Variants in AJUBA observed in about 807,000 individuals in gnomAD.
AJUBA encodes LIM domain-containing protein ajuba.
Under a neutral mutation model 53.3 loss-of-function variants are expected in AJUBA, and 20 were observed. The ratio of observed to expected loss-of-function variants is 0.38; its 90% CI spans 0.26 to 0.55. The LOEUF (loss-of-function observed/expected upper bound fraction) is 0.55, where lower values mean the gene tolerates loss of function less well. Ranked by LOEUF, AJUBA falls within the 20% of genes least tolerant of loss-of-function variation. The pLI, the probability that AJUBA is intolerant of heterozygous loss-of-function variation, is 0.80. For missense variants in AJUBA, 580 were observed against 730.5 expected (o/e 0.79, Z 2.38); for synonymous variants, 296 against 306.2 (o/e 0.97, Z 0.35).
Position 22,974,825 on chromosome 14 carries a change from C to T in AJUBA, c.1422+14G>A. On this transcript the variant is annotated intron_variant, in intron 6 of 7. Coordinates refer to ENST00000262713, the MANE Select transcript of AJUBA (RefSeq NM_032876.6). The stretch of plus-strand genomic sequence containing the variant: ...GGCACTGGCTGCCCTGAAGGAGAAC[C>T]CAGACATACTGACCTCAGAGGGGAG... 1 of 1,609,576 alleles carries T rather than the reference C, an allele frequency of 6.2e-7. No homozygotes were observed. The highest frequency in any genetic ancestry group is 8.5e-7 in the Non-Finnish European group (1 of 1,178,366).
chr14:22,978,269 C>T, intron 2 of AJUBA, 75 bp downstream of exon 2: 1 of 1,405,566 alleles, frequency 7.1e-7, no homozygotes, highest in Non-Finnish European at 9.9e-7. Flanking sequence ...AAGCTCTCCT[C>T]CTGTTCCCCA....
At chr14:22,978,730 T>C (rs2045060717) in intron 1 of AJUBA, 6 of 1,232,484 alleles carry the variant, frequency 4.9e-6, no homozygotes, top group East Asian at 4.6e-5. Context: ...ATATGGTCCC[T>C]GGCATTCAGA....
Position 22,979,103 on chromosome 14 carries a change from G to A in AJUBA, c.1007-658C>T. On this transcript the variant is annotated intron_variant, in intron 1 of 7. Coordinates refer to ENST00000262713, the MANE Select transcript of AJUBA (RefSeq NM_032876.6). The surrounding 1 kb of genome is among the most constrained non-coding windows in gnomAD (Gnocchi z 4.0). ...GAACCAGGGTTGAACAGGAAAGCAG[G>A]GAGAGTAGCAGAGCCCCTGATGCCT... 1 of 1,280,128 alleles carries A rather than the reference G, an allele frequency of 7.8e-7. No homozygotes were observed. Among genetic ancestry groups the A allele is most frequent in the East Asian group, 5.6e-5 (1 of 17,924 alleles). The allele number at this position is 1,280,128 out of a possible 1,614,324, so 79.3% of individuals were successfully genotyped here. A position where few individuals can be genotyped will look rare whatever the true frequency, so the allele number is the denominator to read the frequency against.
chr14:22,975,941 T>A (rs1168467303), intron 4 of AJUBA: 1 of 151,806 alleles, frequency 6.6e-6, no homozygotes, highest in African/African-American at 2.5e-5. Context: ...GGCAGGAGGA[T>A]CACTTGAGGC....
rs35598047 is a variant in AJUBA, at chr14:22,981,979, G to T, written c.288C>A (p.Thr96=). ...ACGACTGAGGTAGAGGCAAGGCCCG[G>T]GTGGGCGGCGGCCCCGCGGGAAAAG... ...EGSFPAGPPP[T]RALPLPQSLP... is the part of the protein sequence containing the mutation. The change falls in exon 1 of 8, where the codon ACC becomes ACA. Residue 96 remains threonine (T), a synonymous_variant. Transcript: ENST00000262713. The T allele has an allele frequency of 8.2e-6, 13 of 1,577,664 alleles. No homozygotes were observed. Among genetic ancestry groups the T allele is most frequent in the Non-Finnish European group, 1.1e-5 (13 of 1,167,560 alleles).
intron 7 of AJUBA, 54 bp from the exon 8 acceptor site, chr14:22,973,622 G>A: frequency 6.2e-7 from 1 of 1,605,660 alleles, no homozygotes; most frequent in South Asian, 1.1e-5. Context: ...GACACTGAGG[G>A]TATCTTAGGA....
At chr14:22,977,998 G>A (rs1004977082) in intron 2 of AJUBA, among the ~76,000 whole-genome samples, 10 of 146,854 alleles carry the variant, frequency 6.8e-5, no homozygotes, top group African/African-American at 1.8e-4. Context: ...TTTCACTGTC[G>A]CCCCAGGCAA....
At chr14:22,980,606 G>A (rs1031852543) in intron 1 of AJUBA, 27 of 985,270 alleles carry the variant, frequency 2.7e-5, no homozygotes, top group Non-Finnish European at 3.0e-5. Context: ...CACGCACCTA[G>A]CCAACAGGAC....
rs1317901173 is a variant in AJUBA at position 22,981,977 on chromosome 14, C to T, written c.290G>A (p.Arg97Gln). 2 of 1,577,234 alleles carry T rather than the reference C, an allele frequency of 1.3e-6. No individual in the cohort carries two copies. Among genetic ancestry groups the T allele is most frequent in the South Asian group, 1.2e-5 (1 of 86,320 alleles). The change falls in exon 1 of 8, where the codon CGG (arginine) becomes CAG (glutamine). Residue 97 changes from arginine (R) to glutamine (Q), a missense_variant. Physicochemically the swap from Arg to Gln is conservative, Grantham distance 43. Transcript: ENST00000262713. ...CAACGACTGAGGTAGAGGCAAGGCC[C>T]GGGTGGGCGGCGGCCCCGCGGGAAA... Reference protein sequence around the residue: ...GSFPAGPPPTRALPLPQSLPP... With the variant: ...GSFPAGPPPTQALPLPQSLPP...
In AJUBA at chr14:22,978,422, C is replaced by G; in HGVS notation, c.1030G>C (p.Gly344Arg). The change falls in exon 2 of 8, where the codon GGC becomes CGC. Residue 344 changes from glycine to arginine, a missense_variant. Transcript: ENST00000262713. ...YFGTCIKCNK[G>R]IYGQSNACQA... is the part of the protein sequence containing the mutation. ...CAGGCATTGCTCTGCCCATAGATGC[C>G]TTTGTTGCACTTGATACAGGTGCCT... 6.2e-7 allele frequency: 1 copy of G among 1,613,132 alleles called. No individual in the cohort carries two copies. Among genetic ancestry groups the G allele is most frequent in the South Asian group, 1.1e-5 (1 of 91,048 alleles).
In AJUBA at chr14:22,973,413, C is replaced by A. The variant is rs750482279; in HGVS notation, c.*30G>T. On this transcript the variant is annotated 3_prime_UTR_variant, in exon 8 of 8. Transcript: ENST00000262713. ...CCCACTGGCCACAGCAGTTTGTCTG[C>A]AGGGTGACAGCAGCAGCAGTGATTG... 1 of 1,588,564 alleles carries A rather than the reference C, an allele frequency of 6.3e-7. No homozygotes were observed. The highest frequency in any genetic ancestry group is 8.6e-7 in the Non-Finnish European group (1 of 1,167,462).
In AJUBA at chr14:22,981,851, C is replaced by T. The variant is rs1478527514; in HGVS notation, c.416G>A (p.Arg139Gln). 1.3e-6 allele frequency: 2 copies of T among 1,534,364 alleles called. No individual in the cohort carries two copies. The highest frequency in any genetic ancestry group is 2.4e-5 in the South Asian group (2 of 83,890). Residue 139 changes from arginine (R) to glutamine (Q), a missense_variant, in exon 1 of 8, where the codon CGG (arginine) becomes CAG (glutamine). Physicochemically the swap from Arg to Gln is conservative, Grantham distance 43 (BLOSUM62 1). Transcript: ENST00000262713. ...CGCCCCGTCCAGCAGCAGGCTGCCC[C>T]GGGGGCTGGACGGCTTGCTCGCGTC... Reference protein sequence around the residue: ...ASDASKPSSPRGSLLLDGAGA... With the variant: ...ASDASKPSSPQGSLLLDGAGA...
rs756057671 is a variant in AJUBA at position 22,977,302 on chromosome 14, T to G, written c.1109-590A>C. 1.1e-5 allele frequency: 8 copies of G among 728,656 alleles called. No individual in the cohort carries two copies. In the South Asian group the frequency reaches 3.8e-4, roughly 34 times the overall value. 45.1% of individuals were successfully genotyped at this position (728,656 alleles called of 1,614,324 possible). A position where few individuals can be genotyped will look rare whatever the true frequency, so the allele number is the denominator to read the frequency against. ...TTGTATAAGGCTGCTTCCCTAAGCT[T>G]AGAGGGACCCAGAGTCACTGGGGTA... On this transcript the variant is annotated intron_variant, in intron 2 of 7. Transcript: ENST00000262713.
At position 22,973,192 on chromosome 14, in the gene AJUBA, C is replaced by T. The variant is rs1594561412; in HGVS notation, c.*251G>A. The T allele has an allele frequency of 1.9e-6, 1 of 524,168 alleles. No individual in the cohort carries two copies. The highest frequency in any genetic ancestry group is 3.4e-5 in the East Asian group (1 of 29,362). The allele number at this position is 524,168 out of a possible 1,614,324, so 32.5% of individuals were successfully genotyped here. A position where few individuals can be genotyped will look rare whatever the true frequency, so the allele number is the denominator to read the frequency against. ...ATGTTCAGAAAGTCCTGGAACCCTC[C>T]TGTGTGTGCCTAAGCTCAGACTGCA... On this transcript the variant is annotated 3_prime_UTR_variant, in exon 8 of 8. Transcript: ENST00000262713.
Position 22,981,743 on chromosome 14 carries a change from C to A in AJUBA, c.524G>T (p.Ser175Ile). The A allele has an allele frequency of 6.5e-7, 1 of 1,533,710 alleles. No individual in the cohort carries two copies. Residue 175 changes from serine (S) to isoleucine (I), a missense_variant, in exon 1 of 8, where the codon AGC (serine) becomes ATC (isoleucine). Ser to Ile is a moderately radical substitution (Grantham distance 142, BLOSUM62 -2). Coordinates refer to ENST00000262713, the MANE Select transcript of AJUBA (RefSeq NM_032876.6). ...ISMGYDQRHG[S>I]PLPAGPCLFG... ...CAGGCACGGCCCCGCTGGCAAGGGG[C>A]TCCCGTGGCGCTGGTCGTAGCCCAT...
At chr14:22,974,190 T>C in intron 6 of AJUBA, 75 bp from the exon 7 acceptor site, 1 of 1,479,852 alleles carries the variant, frequency 6.8e-7, no homozygotes, top group Admixed American at 1.7e-5. Context: ...TATACAACCC[T>C]TCCCACCCCA....
intron 1 of AJUBA, chr14:22,978,823 G>A (rs1234830039): frequency 1.6e-6 from 2 of 1,230,046 alleles, no homozygotes; most frequent in African/African-American, 3.1e-5. Context: ...GGTCAAAGAT[G>A]CCAGTCCACA....
Position 22,981,040 on chromosome 14 carries a change from G to T in AJUBA, c.1006+221C>A, listed in dbSNP as rs532231720. Among the ~76,000 whole-genome samples the T allele has an allele frequency of 3.2e-4, 49 of 152,194 alleles. 1 individual carries two copies. In the South Asian group the frequency reaches 1.0e-2, roughly 31 times the overall value. On this transcript the variant is annotated intron_variant, in intron 1 of 7. Coordinates refer to ENST00000262713, the MANE Select transcript of AJUBA (RefSeq NM_032876.6). ...GAGAAACGGACTCACGAGATACCAG[G>T]GGGGTTGAATTTAGCAGAAATAAGG...
chr14:22,980,735 C>A, intron 1 of AJUBA: 1 of 968,138 alleles, frequency 1.0e-6, no homozygotes, highest in Non-Finnish European at 1.2e-6. Context: ...CCGAACCCCA[C>A]CCCTCCGCCG....
Sources: allele counts gnomAD v4.1 joint callset (sites outside exome capture counted in the v4.1 genomes callset), GRCh38; gene constraint gnomAD v4.1.1; non-coding constraint Gnocchi (gnomAD v3.1); transcripts MANE v1.5; gene names NCBI Gene and HGNC (gene_info 2026-07-23, HGNC 2026-07-21).